The following TSGA10 variants were observed in gnomAD, a reference collection of about 807,000 sequenced individuals.
TSGA10 encodes testis-specific gene 10 protein.
Under a neutral mutation model 96.6 loss-of-function variants are expected in TSGA10, and 43 were observed. The ratio of observed to expected loss-of-function variants is 0.44; its 90% confidence interval spans 0.35 to 0.57. The LOEUF is 0.57. TSGA10 is among the 20% of genes least tolerant of loss of function. The pLI is 0.01. For missense variants in TSGA10, 703 were observed against 834.4 expected, an observed-to-expected ratio of 0.84 and a Z score of 1.94; for synonymous variants, 229 against 269.9, an observed-to-expected ratio of 0.85 and a Z score of 1.48.
intron 16 of TSGA10, among the ~76,000 whole-genome samples, chr2:99,045,855 T>C (rs1422389962): frequency 6.6e-6 from 1 of 152,084 alleles, no homozygotes; most frequent in Non-Finnish European, 1.5e-5. Flanking sequence ...TGCAGAGACA[T>C]ACATAGGCTC....
At chr2:99,113,198 C>G (rs1434999198) in intron 4 of TSGA10, among the ~76,000 whole-genome samples, 1 of 152,128 alleles carries the variant, frequency 6.6e-6, no homozygotes, top group Non-Finnish European at 1.5e-5. Flanking sequence ...AATTCTAATA[C>G]TCCTTCCTTC....
chr2:99,018,493 GCT>G, intron 19 of TSGA10, 41 bp downstream of exon 19: 2 of 1,582,968 alleles, frequency 1.3e-6, no homozygotes, highest in Non-Finnish European at 1.7e-6. Flanking sequence ...TGCTTTCCAT[GCT>G]GAAAAGCATT....
chr2:99,045,247 C>T (rs2082637910), intron 16 of TSGA10, among the ~76,000 whole-genome samples: 1 of 152,044 alleles, frequency 6.6e-6, no homozygotes, highest in African/African-American at 2.4e-5. Flanking sequence ...CACAAAGATA[C>T]TCCTCGAGAA....
At chr2:99,126,393 G>C (rs1327611740) in intron 2 of TSGA10, 1 of 152,142 alleles carries the variant, frequency 6.6e-6, no homozygotes, top group Non-Finnish European at 1.5e-5. Flanking sequence ...GCGACATACG[G>C]AGAAAAAGAA....
intron 1 of TSGA10, chr2:99,141,230 A>C: frequency 9.7e-7 from 1 of 1,035,378 alleles, no homozygotes; most frequent in Non-Finnish European, 1.2e-6. Flanking sequence ...TCCCACCCCC[A>C]AATCGTCCTG....
At chr2:99,122,615 C>CAAAAAAAA (rs148224475) in intron 2 of TSGA10, among the ~76,000 whole-genome samples, 1 of 53,272 alleles carries the variant, frequency 1.9e-5, no homozygotes, top group Admixed American at 2.3e-4. Flanking sequence ...CCATCTCTAC[C>CAAAAAAAA]AAAAAAAAAA....
intron 1 of TSGA10, among the ~76,000 whole-genome samples, chr2:99,133,316 T>C (rs2093181444): frequency 6.6e-6 from 1 of 152,342 alleles, no homozygotes; most frequent in South Asian, 2.1e-4. Flanking sequence ...TCTTGTTGCA[T>C]TGATCCCTTA....
At chr2:99,065,243 A>C (rs930097762) in intron 15 of TSGA10, 119 bp from the exon 16 acceptor site, 4 of 1,073,290 alleles carry the variant, frequency 3.7e-6, no homozygotes, top group Non-Finnish European at 5.3e-6. Context: ...TAGAACCCTG[A>C]GGAAATATAT....
chr2:99,069,006 A>G lies in TSGA10; in HGVS notation c.1108-8T>C, dbSNP rs1459813442. 5.0e-6 allele frequency: 7 copies of G among 1,397,318 alleles called. No homozygotes were observed. The highest frequency in any genetic ancestry group is 6.6e-6 in the Non-Finnish European group (7 of 1,054,830). 86.6% of individuals were successfully genotyped at this position (1,397,318 alleles called of 1,614,324 possible). A position where few individuals can be genotyped will look rare whatever the true frequency, so the allele number is the denominator to read the frequency against. On this transcript the variant is annotated splice_polypyrimidine_tract_variant and splice_region_variant and intron_variant, in intron 14 of 20. Coordinates refer to ENST00000393483, the MANE Select transcript of TSGA10 (RefSeq NM_025244.4). ...CAATTTTTTGGACAGTGCCTACGAA[A>G]AAAAGATAGGTATATTTGACTATGA...
At chr2:99,089,142 T>A (rs954238591) in intron 10 of TSGA10, among the ~76,000 whole-genome samples, 1 of 152,076 alleles carries the variant, frequency 6.6e-6, no homozygotes, top group Admixed American at 6.5e-5. Flanking sequence ...CTGGGGAAAG[T>A]GAAGGTCCAG....
intron 4 of TSGA10, among the ~76,000 whole-genome samples, chr2:99,111,615 A>G (rs1357941160): frequency 6.6e-6 from 1 of 152,128 alleles, no homozygotes; most frequent in African/African-American, 2.4e-5. Context: ...CTTTAGACCA[A>G]CGTTCTCTTC....
intron 4 of TSGA10, among the ~76,000 whole-genome samples, chr2:99,112,800 A>G (rs1350500962): frequency 6.7e-6 from 1 of 148,734 alleles, no homozygotes; most frequent in Non-Finnish European, 1.5e-5. Flanking sequence ...GAATGTGGGG[A>G]TGGGTATTTC....
intron 1 of TSGA10, chr2:99,151,454 A>C (rs1323384304): frequency 1.6e-5 from 2 of 124,524 alleles, no homozygotes; most frequent in Non-Finnish European, 3.3e-5. Flanking sequence ...CAAGAGCAAA[A>C]CTCCGTCTCA....
At position 99,074,029 on chromosome 2, in the gene TSGA10, T is replaced by TTTTTTTTTTTTTTTTTTG. The variant is rs1241657890; in HGVS notation, c.883-957_883-956insCAAAAAAAAAAAAAAAAA. On this transcript the variant is annotated intron_variant, in intron 12 of 20. Transcript: ENST00000393483. ...TTTTTTTTTTTTTTTTTTTTTTTTT[T>TTTTTTTTTTTTTTTTTTG]GAGATGGAGTTTTGCTCTTGATGCC... 1.5e-5 allele frequency among the ~76,000 whole-genome samples: 2 copies of TTTTTTTTTTTTTTTTTTG among 136,800 alleles called. 1 individual carries two copies. 89.7% of individuals were successfully genotyped at this position (136,800 alleles called of 152,430 possible).
intron 9 of TSGA10, 141 bp from the exon 10 acceptor site, chr2:99,104,259 G>A (rs2104803737): frequency 1.1e-6 from 1 of 913,700 alleles, no homozygotes; most frequent in Non-Finnish European, 1.6e-6. Flanking sequence ...GACTGCTGTA[G>A]AAGGTTTTAC....
At chr2:99,141,762 C>T (rs1574740944) in intron 1 of TSGA10, 1 of 152,928 alleles carries the variant, frequency 6.5e-6, no homozygotes, top group East Asian at 1.9e-4. Flanking sequence ...GCGGCGGTGG[C>T]TTTGTGCCAC....
intron 10 of TSGA10, among the ~76,000 whole-genome samples, chr2:99,101,244 CAAAAAAAAAAAAAAAAAA>C (rs869263270): frequency 4.1e-5 from 1 of 24,348 alleles, no homozygotes; most frequent in Admixed American, 6.8e-4. Context: ...GACTCTGTCT[CAAAAAAAAAAAAAAAAAA>C]AAAAAAAAAG....
At position 99,018,464 on chromosome 2, in the gene TSGA10, C is replaced by G. The variant is rs1327773879; in HGVS notation, c.1922+72G>C. On this transcript the variant is annotated intron_variant, in intron 19 of 20. Transcript: ENST00000393483. Reference sequence around the variant, plus strand: ...AACCATCATGAAAGAACTAAAACCTCTTGTTACCTAAGAAACAATGCTTTC... The same window carrying G: ...AACCATCATGAAAGAACTAAAACCTGTTGTTACCTAAGAAACAATGCTTTC... The G allele has an allele frequency of 5.7e-6, 9 of 1,570,554 alleles. No individual in the cohort carries two copies. In the Admixed American group the frequency reaches 1.5e-4, roughly 26 times the overall value.
chr2:99,098,996 C>T (rs2090403740), intron 10 of TSGA10, among the ~76,000 whole-genome samples: 1 of 152,116 alleles, frequency 6.6e-6, no homozygotes, highest in Admixed American at 6.6e-5. Context: ...CATTACCTTG[C>T]TATCAAAATC....
Sources: gnomAD v4.1 joint callset for allele counts (sites outside exome capture counted in the v4.1 genomes callset) on GRCh38, gnomAD v4.1.1 for gene constraint, MANE v1.5 for transcripts, NCBI Gene and HGNC (gene_info 2026-07-23, HGNC 2026-07-21) for gene names.